Variants in SMIM40 observed in about 807,000 individuals in gnomAD.
SMIM40 encodes small integral membrane protein 40.
rs531732424 is a variant in SMIM40, at chr6:33,329,242, G to A, written c.24C>T (p.Asp8=). 55 of 398,740 alleles carry A rather than the reference G, an allele frequency of 1.4e-4. No individual in the cohort carries two copies. Among genetic ancestry groups the A allele is most frequent in the Admixed American group, 8.4e-4 (19 of 22,712 alleles). The allele number at this position is 398,740 out of a possible 1,614,324, so 24.7% of individuals were successfully genotyped here. A position where few individuals can be genotyped will look rare whatever the true frequency, so the allele number is the denominator to read the frequency against. MAEEGDV[D]EADVFLAFAQ... ...CAAATGCCAGGAACACATCCGCCTC[G>A]TCCACATCACCTTCCTCTGCCATCC... The change falls in exon 1 of 3, where the codon GAC becomes GAT. Residue 8 remains aspartate (D), a synonymous_variant. Transcript: ENST00000494082.
chr6:33,328,530 A>G (rs1391336088), intron 1 of SMIM40, among the ~76,000 whole-genome samples: 3 of 151,902 alleles, frequency 2.0e-5, no homozygotes, highest in Non-Finnish European at 4.4e-5. Flanking sequence ...ATACCTACTT[A>G]AAGATATATG....
At chr6:33,325,065 TA>T (rs985537406) in intron 1 of SMIM40, among the ~76,000 whole-genome samples, 2 of 151,822 alleles carry the variant, frequency 1.3e-5, no homozygotes, top group South Asian at 2.1e-4. Context: ...CTAATTTTTT[TA>T]AAAAAAGTTT....
intron 1 of SMIM40, among the ~76,000 whole-genome samples, chr6:33,325,066 A>T (rs1012374821): frequency 2.8e-4 from 43 of 151,700 alleles, no homozygotes; most frequent in African/African-American, 7.0e-4. Flanking sequence ...TAATTTTTTT[A>T]AAAAAAGTTT....
intron 1 of SMIM40, among the ~76,000 whole-genome samples, chr6:33,328,578 A>G (rs1305055293): frequency 6.6e-6 from 1 of 151,808 alleles, no homozygotes; most frequent in East Asian, 2.0e-4. Context: ...TTCCCTGAGT[A>G]TAGGTGCAGA....
chr6:33,325,099 G>T lies in SMIM40; in HGVS notation c.*40-1069C>A, dbSNP rs906304681. Among the ~76,000 whole-genome samples the T allele has an allele frequency of 4.0e-5, 6 of 151,354 alleles. 1 individual carries two copies. Among genetic ancestry groups the T allele is most frequent in the African/African-American group, 1.5e-4 (6 of 40,948 alleles). On this transcript the variant is annotated intron_variant, in intron 1 of 2. Coordinates refer to ENST00000494082, the MANE Select transcript of SMIM40 (RefSeq NM_001369203.1). ...TTTTTTGTGGAGGCTGGGCGCGGTG[G>T]CTCATGCCTGTAATCCCAGAACTTT...
intron 1 of SMIM40, among the ~76,000 whole-genome samples, chr6:33,328,423 T>C (rs1409335980): frequency 6.6e-6 from 1 of 151,674 alleles, no homozygotes; most frequent in Non-Finnish European, 1.5e-5. Context: ...CTCCTGACTT[T>C]AGGTGATCCC....
At chr6:33,328,352 G>A (rs942887780) in intron 1 of SMIM40, among the ~76,000 whole-genome samples, 3 of 150,676 alleles carry the variant, frequency 2.0e-5, no homozygotes, top group African/African-American at 7.3e-5. Flanking sequence ...AACTTTCCCG[G>A]CTAATTTTTG....
At chr6:33,326,923 A>C (rs1357513031) in intron 1 of SMIM40, among the ~76,000 whole-genome samples, 1 of 146,952 alleles carries the variant, frequency 6.8e-6, no homozygotes, top group Non-Finnish European at 1.5e-5. Flanking sequence ...GGAGTTCGAG[A>C]CCAGCCTGCC....
intron 1 of SMIM40, among the ~76,000 whole-genome samples, chr6:33,324,468 G>C (rs1771004982): frequency 6.7e-6 from 1 of 150,308 alleles, no homozygotes; most frequent in Non-Finnish European, 1.5e-5. Flanking sequence ...AAATCTCCTG[G>C]GGGTAATCTT....
At chr6:33,324,537 C>A (rs1771010655) in intron 1 of SMIM40, among the ~76,000 whole-genome samples, 1 of 145,162 alleles carries the variant, frequency 6.9e-6, no homozygotes, top group Non-Finnish European at 1.5e-5. Context: ...CCATGAATAC[C>A]ACCTTTTCTT....
rs886613988 is a variant in SMIM40 at position 33,329,030 on chromosome 6, A to G, written c.236T>C (p.Leu79Ser). 6 of 398,660 alleles carry G rather than the reference A, an allele frequency of 1.5e-5. No homozygotes were observed. Among genetic ancestry groups the G allele is most frequent in the Non-Finnish European group, 2.7e-5 (6 of 226,224 alleles). The allele number at this position is 398,660 out of a possible 1,614,324, so 24.7% of individuals were successfully genotyped here. A position where few individuals can be genotyped will look rare whatever the true frequency, so the allele number is the denominator to read the frequency against. Residue 79 changes from leucine to serine, a missense_variant, in exon 1 of 3, where the codon TTG becomes TCG. Leu to Ser is a moderately radical substitution (Grantham distance 145). Transcript: ENST00000494082. ...GTPQKEEELE[L>S] ...AGATGTTTATAGGAAAGGTGGTCAC[A>G]ATTCCAGCTCCTCCTCCTTCTGAGG...
At chr6:33,325,973 A>G (rs545823068) in intron 1 of SMIM40, among the ~76,000 whole-genome samples, 9 of 149,920 alleles carry the variant, frequency 6.0e-5, no homozygotes, top group African/African-American at 1.8e-4. Context: ...TACAATCACA[A>G]GAAAGATATT....
intron 1 of SMIM40, among the ~76,000 whole-genome samples, chr6:33,326,388 G>C (rs1446005245): frequency 1.4e-5 from 2 of 147,402 alleles, no homozygotes; most frequent in African/African-American, 5.3e-5. Context: ...ATGTTGGCCA[G>C]GCTGGTCTCA....
At chr6:33,324,882 CAAAAAAAAAAAA>C (rs376451265) in intron 1 of SMIM40, among the ~76,000 whole-genome samples, 65 of 47,244 alleles carry the variant, frequency 1.4e-3, no homozygotes, top group African/African-American at 3.4e-3. Flanking sequence ...GAGATTATCT[CAAAAAAAAAAAA>C]AAAAAAAAAA....
intron 1 of SMIM40, among the ~76,000 whole-genome samples, chr6:33,326,780 C>T (rs1209055205): frequency 2.7e-5 from 4 of 147,776 alleles, no homozygotes; most frequent in African/African-American, 7.9e-5. Context: ...GCCAAGATCA[C>T]GCCACTGCAC....
chr6:33,324,642 TG>T (rs1309803211), intron 1 of SMIM40, among the ~76,000 whole-genome samples: 1 of 147,294 alleles, frequency 6.8e-6, no homozygotes, highest in Non-Finnish European at 1.5e-5. Context: ...CCCAGCACTT[TG>T]GGGGTCCGAG....
rs1771280620 is a variant in SMIM40, at chr6:33,327,554, C to G, written c.*39+1433G>C. ...ACCAGCCTAGGCAACATAGTGAGAC[C>G]TCATCTCAATAAATCAATAAATAGG... is the stretch of plus-strand genomic sequence containing the variant. On this transcript the variant is annotated intron_variant, in intron 1 of 2. Coordinates refer to ENST00000494082, the MANE Select transcript of SMIM40 (RefSeq NM_001369203.1). Among the ~76,000 whole-genome samples the G allele has an allele frequency of 3.5e-5, 5 of 141,754 alleles. 1 individual carries two copies. The South Asian group carries it at 1.0e-3, about 30-fold the overall frequency. The allele number at this position is 141,754 out of a possible 152,430, so 93.0% of individuals were successfully genotyped here.
In SMIM40 at chr6:33,329,050, C is replaced by A. The variant is rs1329285451; in HGVS notation, c.216G>T (p.Gln72His). 1.0e-5 allele frequency: 4 copies of A among 398,656 alleles called. No homozygotes were observed. The highest frequency in any genetic ancestry group is 1.8e-5 in the Non-Finnish European group (4 of 226,216). The allele number at this position is 398,656 out of a possible 1,614,324, so 24.7% of individuals were successfully genotyped here. A position where few individuals can be genotyped will look rare whatever the true frequency, so the allele number is the denominator to read the frequency against. ...KLGDWLLGTPQKEEELEL is the reference protein window; with the variant it reads ...KLGDWLLGTPHKEEELEL The stretch of plus-strand genomic sequence containing the variant: ...GTCACAATTCCAGCTCCTCCTCCTT[C>A]TGAGGTGTCCCCAGGAGCCAGTCCC... The change falls in exon 1 of 3, where the codon CAG (glutamine) becomes CAT (histidine). Residue 72 changes from glutamine to histidine, a missense_variant. Coordinates refer to ENST00000494082, the MANE Select transcript of SMIM40 (RefSeq NM_001369203.1).
At chr6:33,328,866 AC>A in intron 1 of SMIM40, 120 bp downstream of exon 1, 1 of 378,584 alleles carries the variant, frequency 2.6e-6, no homozygotes. Flanking sequence ...AGCCTAGGTA[AC>A]AAGAGCAAAA....
Sources: gnomAD v4.1 joint callset for allele counts (sites outside exome capture counted in the v4.1 genomes callset) on GRCh38, gnomAD v4.1.1 for gene constraint, MANE v1.5 for transcripts, NCBI Gene and HGNC (gene_info 2026-07-23, HGNC 2026-07-21) for gene names.